GRID2: variants seen among roughly 807,000 people sequenced by gnomAD.
GRID2 encodes glutamate receptor ionotropic, delta-2.
In GRID2, 33 loss-of-function variants were observed where a neutral mutation model predicts 114.8. The ratio of observed to expected loss-of-function variants is 0.29; its 90% confidence interval spans 0.22 to 0.38. GRID2 has a LOEUF of 0.38. GRID2 is among the 10% of genes least tolerant of loss of function. The probability of loss-of-function intolerance (pLI) is 1.00; values close to 1 mark genes in which losing one functional copy is unlikely to be tolerated. For missense variants in GRID2, 1,184 were observed against 1,257.7 expected (o/e 0.94, Z 0.89); for synonymous variants, 505 against 449.9 (o/e 1.12, Z -1.55).
chr4:92,454,055 T>C (rs1052559907), intron 1 of GRID2, among the ~76,000 whole-genome samples: 3 of 152,214 alleles, frequency 2.0e-5, no homozygotes, highest in African/African-American at 7.2e-5. Flanking sequence ...AAATAAACAG[T>C]ACTATGTCAT....
intron 2 of GRID2, among the ~76,000 whole-genome samples, chr4:92,915,237 C>T (rs1439826899): frequency 6.6e-6 from 1 of 152,178 alleles, no homozygotes; most frequent in Non-Finnish European, 1.5e-5. Context: ...TCCCTTGACA[C>T]ATGGGGATTA....
At chr4:92,760,237 CAAAAAAAAAAAAA>C (rs982301426) in intron 2 of GRID2, among the ~76,000 whole-genome samples, 1 of 38,412 alleles carries the variant, frequency 2.6e-5, no homozygotes, top group East Asian at 9.5e-4. Context: ...GACTCTGTCT[CAAAAAAAAAAAAA>C]AAAAAAAAAA....
intron 1 of GRID2, among the ~76,000 whole-genome samples, chr4:92,533,197 T>C (rs1348643472): frequency 3.3e-5 from 5 of 151,748 alleles, no homozygotes; most frequent in Admixed American, 6.6e-5. Context: ...TTTTTGTTTT[T>C]TTTGTTTTTT....
At chr4:93,311,900 T>G (rs1257505523) in intron 8 of GRID2, among the ~76,000 whole-genome samples, 3 of 152,060 alleles carry the variant, frequency 2.0e-5, no homozygotes, top group African/African-American at 7.2e-5. Context: ...ACAGAGAAGG[T>G]TGAAAAGTAG....
At chr4:93,482,588 G>A (rs1339215317) in intron 11 of GRID2, among the ~76,000 whole-genome samples, 2 of 151,714 alleles carry the variant, frequency 1.3e-5, no homozygotes, top group African/African-American at 2.4e-5. Flanking sequence ...AATGGATGAG[G>A]GGCTTAAAAC....
At chr4:93,695,977 ATTCC>A (rs1429804924) in intron 14 of GRID2, among the ~76,000 whole-genome samples, 4 of 152,344 alleles carry the variant, frequency 2.6e-5, no homozygotes, top group South Asian at 4.1e-4. Flanking sequence ...ACATACTGAG[ATTCC>A]TTGGTAAAAC....
At chr4:93,407,022 A>T (rs561467982) in intron 9 of GRID2, among the ~76,000 whole-genome samples, 1 of 152,300 alleles carries the variant, frequency 6.6e-6, no homozygotes, top group South Asian at 2.1e-4. Context: ...TTCACAAAAG[A>T]AAATAAATTT....
At chr4:92,582,365 A>T (rs1027576440) in intron 1 of GRID2, among the ~76,000 whole-genome samples, 1 of 152,058 alleles carries the variant, frequency 6.6e-6, no homozygotes, top group African/African-American at 2.4e-5. Context: ...AACTCACTTA[A>T]CACTATTCCA....
intron 9 of GRID2, among the ~76,000 whole-genome samples, chr4:93,403,665 A>G (rs989661423): frequency 2.3e-4 from 35 of 152,272 alleles, no homozygotes; most frequent in African/African-American, 7.5e-4. Context: ...GCAAATCAAA[A>G]CCACAATGAG....
At chr4:92,341,854 G>T (rs1383149762) in intron 1 of GRID2, among the ~76,000 whole-genome samples, 3 of 150,958 alleles carry the variant, frequency 2.0e-5, no homozygotes, top group Non-Finnish European at 4.4e-5. Context: ...GGCAGAGCTT[G>T]CAGTGAGCTG....
chr4:92,676,977 G>A (rs557311359), intron 2 of GRID2, among the ~76,000 whole-genome samples: 99 of 152,144 alleles, frequency 6.5e-4, no homozygotes, highest in African/African-American at 1.7e-3. Flanking sequence ...GCTAAAATAC[G>A]AATTAATCTT....
At chr4:92,656,844 A>T (rs1732264421) in intron 2 of GRID2, among the ~76,000 whole-genome samples, 1 of 151,822 alleles carries the variant, frequency 6.6e-6, no homozygotes, top group African/African-American at 2.4e-5. Flanking sequence ...GATGTGACGT[A>T]ATTAAGGTAG....
chr4:92,590,143 A>G lies in GRID2; in HGVS notation c.101A>G (p.Asp34Gly), dbSNP rs767976003. The part of the protein sequence containing the change: ...DSIIHIGAIF[D>G]ESAKKDDEVF... Reference sequence around the variant, plus strand: ...CACTTCTTTCTAGGAGCAATTTTTGATGAATCTGCCAAAAAGGATGATGAG... The same window carrying G: ...CACTTCTTTCTAGGAGCAATTTTTGGTGAATCTGCCAAAAAGGATGATGAG... The change falls in exon 2 of 16, where the codon GAT becomes GGT. Residue 34 changes from aspartate (D) to glycine (G), a missense_variant. Coordinates refer to ENST00000282020, the MANE Select transcript of GRID2 (RefSeq NM_001510.4). 14 of 1,610,450 alleles carry G rather than the reference A, an allele frequency of 8.7e-6. No individual in the cohort carries two copies. In the Admixed American group the frequency reaches 2.3e-4, roughly 27 times the overall value.
Position 92,617,603 on chromosome 4 carries a change from A to T in GRID2, c.244+27317A>T, listed in dbSNP as rs79420013. ...TTGTGTACCACATTTTTTATCCAGT[A>T]ATCTGTTGCTAGATTCCTTGGTTTG... On this transcript the variant is annotated intron_variant, in intron 2 of 15. Coordinates refer to ENST00000282020, the MANE Select transcript of GRID2 (RefSeq NM_001510.4). 2.7e-3 allele frequency among the ~76,000 whole-genome samples: 414 copies of T among 151,678 alleles called. 3 individuals are homozygous for T. The highest frequency in any genetic ancestry group is 3.2e-3 in the Admixed American group (48 of 15,170).
chr4:92,786,974 C>T (rs1160173120), intron 2 of GRID2, among the ~76,000 whole-genome samples: 2 of 151,874 alleles, frequency 1.3e-5, no homozygotes, highest in Admixed American at 1.3e-4. Context: ...AGATGAAATA[C>T]CTACAGAAGA....
At chr4:93,038,866 G>A (rs1040528270) in intron 2 of GRID2, among the ~76,000 whole-genome samples, 1 of 151,988 alleles carries the variant, frequency 6.6e-6, no homozygotes, top group Non-Finnish European at 1.5e-5. Context: ...TCACACTCTT[G>A]GTGGGAGTGT....
chr4:93,352,633 G>A (rs1046486141), intron 8 of GRID2, among the ~76,000 whole-genome samples: 1 of 151,986 alleles, frequency 6.6e-6, no homozygotes, highest in Non-Finnish European at 1.5e-5. Flanking sequence ...TCTATTGAAT[G>A]ATCTTAATAA....
intron 2 of GRID2, among the ~76,000 whole-genome samples, chr4:92,945,184 G>A (rs903835511): frequency 1.6e-4 from 24 of 152,200 alleles, no homozygotes; most frequent in African/African-American, 5.5e-4. Context: ...ATGCATGTAA[G>A]ATTTAATCTT....
chr4:92,586,009 A>G (rs1728418604), intron 1 of GRID2, among the ~76,000 whole-genome samples: 1 of 149,686 alleles, frequency 6.7e-6, no homozygotes. Context: ...ATAAGATTAT[A>G]TCTATTTTAT....
Sources: allele counts gnomAD v4.1 joint callset (sites outside exome capture counted in the v4.1 genomes callset), GRCh38; gene constraint gnomAD v4.1.1; transcripts MANE v1.5; gene names NCBI Gene and HGNC (gene_info 2026-07-23, HGNC 2026-07-21).